Variants in KCND3 observed in about 807,000 individuals in gnomAD.
The protein encoded by KCND3 is A-type voltage-gated potassium channel KCND3.
A neutral mutation model predicts 51.1 loss-of-function variants in KCND3; 9 were observed. That is an observed-to-expected ratio of 0.18 (90% confidence interval 0.11 to 0.31). The LOEUF is 0.31. Ranked by LOEUF, KCND3 falls within the 10% of genes least tolerant of loss-of-function variation. KCND3 has a pLI of 1.00. For missense variants in KCND3, 526 were observed against 903.8 expected, an observed-to-expected ratio of 0.58 and a Z score of 5.36; for synonymous variants, 349 against 368.0, an observed-to-expected ratio of 0.95 and a Z score of 0.59.
chr1:111,871,704 A>G (rs1328748889), intron 2 of KCND3, among the ~76,000 whole-genome samples: 1 of 152,184 alleles, frequency 6.6e-6, no homozygotes, highest in East Asian at 1.9e-4. Flanking sequence ...TTGAAATTGG[A>G]TATGGTTTCC....
At chr1:111,790,115 A>G (rs554951445) in intron 2 of KCND3, among the ~76,000 whole-genome samples, 56 of 152,350 alleles carry the variant, frequency 3.7e-4, no homozygotes, top group Admixed American at 7.8e-4. Context: ...TCAACAACTT[A>G]TAAAAGCCAG....
intron 2 of KCND3, among the ~76,000 whole-genome samples, chr1:111,789,292 G>A (rs1030253747): frequency 1.3e-5 from 2 of 152,196 alleles, no homozygotes; most frequent in Non-Finnish European, 2.9e-5. Context: ...TGAGAAAGCC[G>A]AACAATCCAC....
intron 2 of KCND3, among the ~76,000 whole-genome samples, chr1:111,898,134 G>A (rs1670207956): frequency 6.6e-6 from 1 of 152,042 alleles, no homozygotes; most frequent in South Asian, 2.1e-4. Flanking sequence ...TGTAAAACAG[G>A]GACCACAACA....
chr1:111,846,998 C>T (rs963584961), intron 2 of KCND3, among the ~76,000 whole-genome samples: 7 of 152,316 alleles, frequency 4.6e-5, no homozygotes, highest in African/African-American at 1.7e-4. Flanking sequence ...CTTTTGCTTC[C>T]ATATTCTCAG....
At chr1:111,912,482 T>G (rs1246121731) in intron 2 of KCND3, among the ~76,000 whole-genome samples, 1 of 152,246 alleles carries the variant, frequency 6.6e-6, no homozygotes, top group African/African-American at 2.4e-5. Context: ...CCAGTTACTG[T>G]TATTTTACAG....
At chr1:111,842,041 A>G (rs969208642) in intron 2 of KCND3, among the ~76,000 whole-genome samples, 3 of 152,200 alleles carry the variant, frequency 2.0e-5, no homozygotes, top group Non-Finnish European at 2.9e-5. Context: ...GCATAAAAAC[A>G]TGTCCTGGAG....
rs1431712771 is a variant in KCND3 at position 111,915,963 on chromosome 1, A to ATAGACAAATAG, written c.1106+65657_1106+65658insCTATTTGTCTA. On this transcript the variant is annotated intron_variant, in intron 2 of 7. Coordinates refer to ENST00000302127, the MANE Select transcript of KCND3 (RefSeq NM_001378969.1). The stretch of plus-strand genomic sequence containing the variant: ...ATATAAAGAAAGGAGAAATAGACAA[A>ATAGACAAATAG]ACCACACCTATAGTTGAAAATTTAA... Among the ~76,000 whole-genome samples the ATAGACAAATAG allele has an allele frequency of 6.0e-4, 92 of 152,236 alleles. 1 individual carries two copies. The highest frequency in any genetic ancestry group is 5.6e-3 in the Admixed American group (86 of 15,306).
intron 1 of KCND3, among the ~76,000 whole-genome samples, chr1:111,985,073 C>T (rs1026238633): frequency 1.3e-5 from 2 of 152,218 alleles, no homozygotes; most frequent in Admixed American, 6.5e-5. Flanking sequence ...TTAACCCTCA[C>T]AGCAACCCTA....
intron 2 of KCND3, among the ~76,000 whole-genome samples, chr1:111,885,861 TG>T (rs1341246425): frequency 2.0e-5 from 3 of 151,934 alleles, no homozygotes; most frequent in African/African-American, 4.8e-5. Context: ...TTAGTAGAGA[TG>T]GGGTTTCACC....
intron 2 of KCND3, among the ~76,000 whole-genome samples, chr1:111,880,781 C>T (rs1223305142): frequency 6.6e-6 from 1 of 152,188 alleles, no homozygotes; most frequent in Non-Finnish European, 1.5e-5. Flanking sequence ...TGTTTCGTTG[C>T]ACATTTGGTT....
At chr1:111,905,209 C>A (rs925172537) in intron 2 of KCND3, among the ~76,000 whole-genome samples, 1 of 152,194 alleles carries the variant, frequency 6.6e-6, no homozygotes. Context: ...TCCATGCACA[C>A]CCTTTGATTA....
chr1:111,904,721 C>T (rs1670558256), intron 2 of KCND3, among the ~76,000 whole-genome samples: 1 of 152,226 alleles, frequency 6.6e-6, no homozygotes. Flanking sequence ...TGACAGCCGC[C>T]CCTGCTTAGA....
At chr1:111,888,345 T>C (rs1254757348) in intron 2 of KCND3, among the ~76,000 whole-genome samples, 2 of 151,964 alleles carry the variant, frequency 1.3e-5, no homozygotes, top group African/African-American at 4.8e-5. Flanking sequence ...GGGCAAAGAT[T>C]ACAGAGAGAC....
At chr1:111,796,551 C>T (rs1665065760) in intron 2 of KCND3, among the ~76,000 whole-genome samples, 2 of 152,176 alleles carry the variant, frequency 1.3e-5, no homozygotes, top group African/African-American at 2.4e-5. Context: ...ACTGCCTGTT[C>T]TCACTTTTAA....
chr1:111,864,508 T>C (rs926930889), intron 2 of KCND3, among the ~76,000 whole-genome samples: 4 of 152,250 alleles, frequency 2.6e-5, no homozygotes, highest in African/African-American at 7.2e-5. Context: ...TCTGGCTTCT[T>C]AAGGGCTGTA....
At chr1:111,930,391 G>A (rs550516887) in intron 2 of KCND3, among the ~76,000 whole-genome samples, 3 of 152,326 alleles carry the variant, frequency 2.0e-5, no homozygotes, top group East Asian at 3.9e-4. Context: ...GTCTTCATCC[G>A]TGGCTGGGAA....
chr1:111,872,003 G>C (rs1557990717), intron 2 of KCND3, among the ~76,000 whole-genome samples: 1 of 152,208 alleles, frequency 6.6e-6, no homozygotes, highest in Non-Finnish European at 1.5e-5. Context: ...AGCAAGTTCC[G>C]TGGAGCAGCG....
intron 2 of KCND3, among the ~76,000 whole-genome samples, chr1:111,788,827 G>T (rs545470253): frequency 3.3e-5 from 5 of 152,144 alleles, no homozygotes; most frequent in African/African-American, 1.2e-4. Context: ...CCTTAGTTTC[G>T]TTGTCTGTAA....
chr1:111,782,030 GCA>G (rs1408625755), intron 3 of KCND3, among the ~76,000 whole-genome samples: 69 of 152,190 alleles, frequency 4.5e-4, no homozygotes, highest in Middle Eastern at 6.8e-3. Flanking sequence ...CACAAGGATA[GCA>G]GACCCATCCT....
Sources: gnomAD v4.1 joint callset for allele counts (sites outside exome capture counted in the v4.1 genomes callset) on GRCh38, gnomAD v4.1.1 for gene constraint, MANE v1.5 for transcripts, NCBI Gene and HGNC (gene_info 2026-07-23, HGNC 2026-07-21) for gene names.